PCDHGA5: variants seen among roughly 807,000 people sequenced by gnomAD.
PCDHGA5 encodes the protein protocadherin gamma subfamily A, 5, also known as protocadherin gamma-A5.
PCDHGA5 carries 36 observed loss-of-function variants against 56.7 expected under a neutral mutation model. The ratio of observed to expected loss-of-function variants is 0.64; its 90% CI spans 0.49 to 0.84. The LOEUF (loss-of-function observed/expected upper bound fraction) is 0.84. PCDHGA5 is among the 40% of genes least tolerant of loss of function. The probability of loss-of-function intolerance (pLI) is 0.00; values close to 1 mark genes in which losing one functional copy is unlikely to be tolerated. For synonymous variants in PCDHGA5, 563 were observed against 520.2 expected (o/e 1.08, Z -1.12); for missense variants, 1,305 against 1,201.5 (o/e 1.09, Z -1.27).
In PCDHGA5 at chr5:141,409,316, C is replaced by T. The variant is rs114361948; in HGVS notation, c.2421+42565C>T. 56 of 1,613,968 alleles carry T rather than the reference C, an allele frequency of 3.5e-5. No individual in the cohort carries two copies. The African/African-American group carries it at 6.5e-4, about 19-fold the overall frequency. On this transcript the variant is annotated intron_variant, in intron 1 of 3. Transcript: ENST00000518069. ...AATGGTTGTTGCCCTCTTCAAAACA[C>T]GGGATCTGGATTTCGGAGGAAATGG...
chr5:141,432,946 A>G lies in PCDHGA5; in HGVS notation c.2422-61861A>G. 2 of 1,614,130 alleles carry G rather than the reference A, an allele frequency of 1.2e-6. No individual in the cohort carries two copies. The highest frequency in any genetic ancestry group is 1.1e-5 in the South Asian group (1 of 91,080). ...AGTCACGCCTGCTGCAGGCTTCAGG[A>G]GGCGGCTTGACAGGAGCGCCGGCGT... is the stretch of plus-strand genomic sequence containing the variant. On this transcript the variant is annotated intron_variant, in intron 1 of 3. Coordinates refer to ENST00000518069, the MANE Select transcript of PCDHGA5 (RefSeq NM_018918.3). This position sits in a 1 kb window ranked among gnomAD's most constrained non-coding sequence, Gnocchi z 6.0.
At chr5:141,508,123 G>A (rs989767852) in intron 3 of PCDHGA5, 1 of 152,616 alleles carries the variant, frequency 6.6e-6, no homozygotes, top group Non-Finnish European at 1.5e-5. Context: ...GAGGACAGAG[G>A]GAGGTCAGGG....
At chr5:141,446,169 C>A (rs920519501) in intron 1 of PCDHGA5, among the ~76,000 whole-genome samples, 1 of 152,014 alleles carries the variant, frequency 6.6e-6, no homozygotes, top group African/African-American at 2.4e-5. Flanking sequence ...TTCATGAGGG[C>A]AGGGGGTGTT....
At chr5:141,422,959 C>A in intron 1 of PCDHGA5, 1 of 1,614,234 alleles carries the variant, frequency 6.2e-7, no homozygotes, top group South Asian at 1.1e-5. Context: ...TGGCGTGGAG[C>A]TGGCGCCCCG....
chr5:141,477,002 G>A lies in PCDHGA5; in HGVS notation c.2422-17805G>A, dbSNP rs770390597. On this transcript the variant is annotated intron_variant, in intron 1 of 3. Coordinates refer to ENST00000518069, the MANE Select transcript of PCDHGA5 (RefSeq NM_018918.3). The surrounding 1 kb of genome is among the most constrained non-coding windows in gnomAD (Gnocchi z 4.9). ...CCGCGCCGGCGTGCGGCAACTATTC[G>A]CCTTAGACCTTGTAACCGGGATGCT... 6.2e-7 allele frequency: 1 copy of A among 1,614,102 alleles called. No homozygotes were observed. The highest frequency in any genetic ancestry group is 1.3e-5 in the African/African-American group (1 of 74,952).
intron 1 of PCDHGA5, chr5:141,422,676 A>G (rs1245488589): frequency 1.2e-6 from 2 of 1,606,500 alleles, no homozygotes; most frequent in East Asian, 4.5e-5. Flanking sequence ...CGGACAGCAA[A>G]CAGAATGCCC....
chr5:141,371,310 G>T, intron 1 of PCDHGA5: 2 of 1,613,992 alleles, frequency 1.2e-6, no homozygotes, highest in Non-Finnish European at 1.7e-6. Flanking sequence ...CACTATTGGA[G>T]AACTGGACTT....
Position 141,364,302 on chromosome 5 carries a change from C to A in PCDHGA5, c.-29C>A, listed in dbSNP as rs1763258341. On this transcript the variant is annotated 5_prime_UTR_variant, in exon 1 of 4. Transcript: ENST00000518069. The stretch of plus-strand genomic sequence containing the variant: ...AAGGAAACAGCAGGCTGAACCAGAA[C>A]TAAGAGAAAATTGGGCAGAGAGAAG... The A allele has an allele frequency of 6.6e-7, 1 of 1,521,598 alleles. No homozygotes were observed. The highest frequency in any genetic ancestry group is 1.4e-5 in the African/African-American group (1 of 71,814). The allele number at this position is 1,521,598 out of a possible 1,614,324, so 94.3% of individuals were successfully genotyped here.
intron 1 of PCDHGA5, among the ~76,000 whole-genome samples, chr5:141,445,119 T>C (rs975225604): frequency 1.3e-5 from 2 of 152,270 alleles, no homozygotes; most frequent in African/African-American, 4.8e-5. Context: ...TTGTAAATAG[T>C]ATTTTTAAAA....
In PCDHGA5 at chr5:141,365,398, C is replaced by G; in HGVS notation, c.1068C>G (p.Ile356Met). 1 of 1,613,978 alleles carries G rather than the reference C, an allele frequency of 6.2e-7. No individual in the cohort carries two copies. Among genetic ancestry groups the G allele is most frequent in the South Asian group, 1.1e-5 (1 of 91,088 alleles). The stretch of plus-strand genomic sequence containing the variant: ...TCCTCACCTCTCTGACCAGTTCGAT[C>G]TCTGAAGACTGTCTTCCCGGAACTG... The part of the protein sequence containing the change: ...EVILTSLTSS[I>M]SEDCLPGTVI... Residue 356 changes from isoleucine (I) to methionine (M), a missense_variant, in exon 1 of 4, where the codon ATC becomes ATG. Physicochemically the swap from Ile to Met is conservative, Grantham distance 10 (BLOSUM62 1). Coordinates refer to ENST00000518069, the MANE Select transcript of PCDHGA5 (RefSeq NM_018918.3).
At position 141,477,272 on chromosome 5, in the gene PCDHGA5, C is replaced by G. The variant is rs2099408579; in HGVS notation, c.2422-17535C>G. The G allele has an allele frequency of 1.2e-6, 2 of 1,614,090 alleles. No homozygotes were observed. The highest frequency in any genetic ancestry group is 1.7e-6 in the Non-Finnish European group (2 of 1,180,048). Reference sequence around the variant, plus strand: ...TGACCTGGATGCTGGCGAGAACGGGCTGGTGACCTGCGAAGTTCCACCGGG... The same window carrying G: ...TGACCTGGATGCTGGCGAGAACGGGGTGGTGACCTGCGAAGTTCCACCGGG... On this transcript the variant is annotated intron_variant, in intron 1 of 3. Coordinates refer to ENST00000518069, the MANE Select transcript of PCDHGA5 (RefSeq NM_018918.3). This position sits in a 1 kb window ranked among gnomAD's most constrained non-coding sequence, Gnocchi z 4.9.
chr5:141,370,551 G>A, intron 1 of PCDHGA5: 18 of 1,613,928 alleles, frequency 1.1e-5, no homozygotes, highest in Non-Finnish European at 1.4e-5. Context: ...CCTCGCCAAG[G>A]ACCTGGGGTT....
At chr5:141,406,312 C>G (rs2094792276) in intron 1 of PCDHGA5, among the ~76,000 whole-genome samples, 1 of 152,028 alleles carries the variant, frequency 6.6e-6, no homozygotes, top group African/African-American at 2.4e-5. Context: ...CCACCTCACC[C>G]AGCAAATTCT....
chr5:141,376,088 C>T lies in PCDHGA5; in HGVS notation c.2421+9337C>T, dbSNP rs527893060. 5.1e-5 allele frequency: 83 copies of T among 1,613,666 alleles called. No homozygotes were observed. The highest frequency in any genetic ancestry group is 2.0e-4 in the East Asian group (9 of 44,878). On this transcript the variant is annotated intron_variant, in intron 1 of 3. Coordinates refer to ENST00000518069, the MANE Select transcript of PCDHGA5 (RefSeq NM_018918.3). Reference sequence around the variant, plus strand: ...CACCGTGGCCGTGGCCGACAGGATCCCCGACATCCTGGCCGACCTGGGCAG... The same window carrying T: ...CACCGTGGCCGTGGCCGACAGGATCTCCGACATCCTGGCCGACCTGGGCAG...
intron 1 of PCDHGA5, among the ~76,000 whole-genome samples, chr5:141,482,791 G>T (rs1039924143): frequency 2.6e-5 from 4 of 152,168 alleles, no homozygotes; most frequent in African/African-American, 9.7e-5. Flanking sequence ...TGTGTGTGTG[G>T]CCGGGTACGG....
intron 1 of PCDHGA5, chr5:141,427,998 C>G: frequency 6.2e-7 from 1 of 1,600,956 alleles, no homozygotes; most frequent in Non-Finnish European, 8.6e-7. Context: ...TGGCTCCGCA[C>G]TCTTCGATAT....
At chr5:141,451,154 TTTTTGGTAGTATA>T (rs2098709149) in intron 1 of PCDHGA5, among the ~76,000 whole-genome samples, 1 of 152,152 alleles carries the variant, frequency 6.6e-6, no homozygotes, top group Non-Finnish European at 1.5e-5. Flanking sequence ...ACTAGACATT[TTTTTGGTAGTATA>T]TTATTTAGCC....
At chr5:141,408,266 C>G in intron 1 of PCDHGA5, 1 of 1,608,708 alleles carries the variant, frequency 6.2e-7, no homozygotes, top group Non-Finnish European at 8.5e-7. Flanking sequence ...TCCTTTGCTG[C>G]TGCCTTTGTT....
Position 141,366,514 on chromosome 5 carries a change from A to G in PCDHGA5, c.2184A>G (p.Glu728=), listed in dbSNP as rs766799381. The G allele has an allele frequency of 5.0e-6, 8 of 1,614,142 alleles. No homozygotes were observed. The highest frequency in any genetic ancestry group is 6.8e-6 in the Non-Finnish European group (8 of 1,180,056). ...RWHKSRLLQA[E]GSRLAGVPAS... is the part of the protein sequence containing the mutation. Reference sequence around the variant, plus strand: ...ACAAGTCACGCCTGCTTCAGGCTGAAGGCAGCAGGTTGGCGGGTGTGCCCG... The same window carrying G: ...ACAAGTCACGCCTGCTTCAGGCTGAGGGCAGCAGGTTGGCGGGTGTGCCCG... Residue 728 remains glutamate, a synonymous_variant, in exon 1 of 4, where the codon GAA becomes GAG. Coordinates refer to ENST00000518069, the MANE Select transcript of PCDHGA5 (RefSeq NM_018918.3).
Sources: gnomAD v4.1 joint callset for allele counts (sites outside exome capture counted in the v4.1 genomes callset) on GRCh38, gnomAD v4.1.1 for gene constraint, Gnocchi (gnomAD v3.1) non-coding constraint, MANE v1.5 for transcripts, NCBI Gene and HGNC (gene_info 2026-07-23, HGNC 2026-07-21) for gene names.